Variants in COPS8 observed in about 807,000 individuals in gnomAD.
COPS8 encodes the protein COP9 signalosome complex subunit 8.
Under a neutral mutation model 31.5 loss-of-function variants are expected in COPS8, and 11 were observed. The observed-to-expected ratio is 0.35, with a 90% CI of 0.22 to 0.58. The LOEUF (loss-of-function observed/expected upper bound fraction) is 0.58, where lower values mean the gene tolerates loss of function less well. COPS8 is among the 20% of genes least tolerant of loss of function. COPS8 has a pLI of 0.83. For missense variants in COPS8, 215 were observed against 255.1 expected (o/e 0.84, Z 1.07); for synonymous variants, 81 against 89.3 (o/e 0.91, Z 0.52).
At chr2:237,089,774 T>G in intron 3 of COPS8, 88 bp from the exon 4 acceptor site, 1 of 1,314,634 alleles carries the variant, frequency 7.6e-7, no homozygotes, top group Non-Finnish European at 1.1e-6. Context: ...AACAAGTTTT[T>G]ATATCATTTC....
Position 237,085,937 on chromosome 2 carries a change from C to T in COPS8, c.-28C>T, listed in dbSNP as rs780924048. 14 of 1,606,066 alleles carry T rather than the reference C, an allele frequency of 8.7e-6. No individual in the cohort carries two copies. The highest frequency in any genetic ancestry group is 1.1e-5 in the Non-Finnish European group (13 of 1,175,462). On this transcript the variant is annotated 5_prime_UTR_variant, in exon 1 of 8. It adds an upstream start codon to the 5' untranslated region. Transcript: ENST00000354371. ...ACAGTCTGGGGTTTGGCTGTCCGGACGGTGCAGCGGCGAGGCCGGCCGCGA... is the reference window on the plus strand; with the variant it reads ...ACAGTCTGGGGTTTGGCTGTCCGGATGGTGCAGCGGCGAGGCCGGCCGCGA...
At chr2:237,090,272 A>C (rs1696683411) in intron 4 of COPS8, among the ~76,000 whole-genome samples, 1 of 152,176 alleles carries the variant, frequency 6.6e-6, no homozygotes, top group African/African-American at 2.4e-5. Flanking sequence ...GAGATCTTGT[A>C]ATATTCTAAT....
chr2:237,091,078 C>A (rs1696698197), intron 4 of COPS8, among the ~76,000 whole-genome samples: 1 of 152,140 alleles, frequency 6.6e-6, no homozygotes, highest in African/African-American at 2.4e-5. Flanking sequence ...TGTTTTACAG[C>A]GGGTTGATTG....
At position 237,085,910 on chromosome 2, in the gene COPS8, G is replaced by T; in HGVS notation, c.-55G>T. ...CGTCATCGCGGGCGCGACGCCTGAGGGACAGTCTGGGGTTTGGCTGTCCGG... is the reference window on the plus strand; with the variant it reads ...CGTCATCGCGGGCGCGACGCCTGAGTGACAGTCTGGGGTTTGGCTGTCCGG... On this transcript the variant is annotated 5_prime_UTR_variant, in exon 1 of 8. Transcript: ENST00000354371. 3 of 1,554,644 alleles carry T rather than the reference G, an allele frequency of 1.9e-6. No individual in the cohort carries two copies. Among genetic ancestry groups the T allele is most frequent in the Non-Finnish European group, 2.6e-6 (3 of 1,136,074 alleles).
intron 6 of COPS8, 110 bp downstream of exon 6, chr2:237,095,994 C>A: frequency 1.4e-6 from 1 of 720,530 alleles, no homozygotes; most frequent in Non-Finnish European, 2.5e-6. Flanking sequence ...TATACTAACA[C>A]AATGGAAATA....
Position 237,097,890 on chromosome 2 carries a change from T to C in COPS8, c.*148T>C. On this transcript the variant is annotated 3_prime_UTR_variant, in exon 8 of 8. Coordinates refer to ENST00000354371, the MANE Select transcript of COPS8 (RefSeq NM_006710.5). ...TAAAATACATATAGAATATAAGATA[T>C]ACTATATACATTTTGTCCATAAACG... 2 of 556,602 alleles carry C rather than the reference T, an allele frequency of 3.6e-6. No individual in the cohort carries two copies. The highest frequency in any genetic ancestry group is 6.3e-6 in the Non-Finnish European group (2 of 314,986). 34.5% of individuals were successfully genotyped at this position (556,602 alleles called of 1,614,324 possible).
At chr2:237,089,695 A>G (rs1213318032) in intron 3 of COPS8, among the ~76,000 whole-genome samples, 167 bp from the exon 4 acceptor site, 2 of 152,224 alleles carry the variant, frequency 1.3e-5, no homozygotes, top group Non-Finnish European at 2.9e-5. Context: ...ACCTTTTGAT[A>G]GTGATTGGGC....
At chr2:237,096,544 T>C (rs1370365006) in intron 6 of COPS8, 3 of 440,096 alleles carry the variant, frequency 6.8e-6, no homozygotes, top group African/African-American at 2.1e-5. Flanking sequence ...TTCCACCTAC[T>C]CGGAATGCCT....
chr2:237,086,783 T>G (rs1696624211), intron 1 of COPS8: 4 of 964,768 alleles, frequency 4.1e-6, no homozygotes, highest in Non-Finnish European at 5.0e-6. Context: ...CTGTCGAATT[T>G]GTTTCTTATA....
At chr2:237,090,080 G>A in intron 4 of COPS8, 86 bp downstream of exon 4, 1 of 1,311,578 alleles carries the variant, frequency 7.6e-7, no homozygotes, top group South Asian at 1.6e-5. Context: ...TCAGTGGTGT[G>A]TGTTTAAGTA....
intron 4 of COPS8, among the ~76,000 whole-genome samples, chr2:237,091,184 A>C (rs1356448079): frequency 6.6e-6 from 1 of 152,086 alleles, no homozygotes; most frequent in East Asian, 1.9e-4. Flanking sequence ...GCCGCCTCTC[A>C]CTGAATTCCA....
At chr2:237,090,641 T>A (rs1476443770) in intron 4 of COPS8, among the ~76,000 whole-genome samples, 3 of 152,238 alleles carry the variant, frequency 2.0e-5, no homozygotes, top group Non-Finnish European at 4.4e-5. Context: ...ACCTTCACTG[T>A]ATGCCTTCCT....
chr2:237,095,808 A>T lies in COPS8; in HGVS notation c.440-14A>T. 1 of 1,578,832 alleles carries T rather than the reference A, an allele frequency of 6.3e-7. No individual in the cohort carries two copies. Among genetic ancestry groups the T allele is most frequent in the Non-Finnish European group, 8.7e-7 (1 of 1,147,916 alleles). ...TATTCTTTCCGGATCTTTATGTGTAATATACTTTTTTAGGCATATTAGAAC... is the reference window on the plus strand; with the variant it reads ...TATTCTTTCCGGATCTTTATGTGTATTATACTTTTTTAGGCATATTAGAAC... On this transcript the variant is annotated splice_polypyrimidine_tract_variant and intron_variant, in intron 5 of 7. Transcript: ENST00000354371.
At position 237,097,697 on chromosome 2, in the gene COPS8, G is replaced by A. The variant is rs1696830271; in HGVS notation, c.585G>A (p.Gln195=). 1.2e-6 allele frequency: 2 copies of A among 1,613,058 alleles called. No individual in the cohort carries two copies. Among genetic ancestry groups the A allele is most frequent in the Non-Finnish European group, 1.7e-6 (2 of 1,179,510 alleles). ...CAGTTCCCCCAATACCCAATGAACA[G>A]CAGTTAGCCAGACTGACGGATTATG... ...PAPVPPIPNE[Q]QLARLTDYVA... Residue 195 remains glutamine, a synonymous_variant, in exon 8 of 8, where the codon CAG becomes CAA. Coordinates refer to ENST00000354371, the MANE Select transcript of COPS8 (RefSeq NM_006710.5).
Position 237,088,533 on chromosome 2 carries a change from G to C in COPS8, c.150-72G>C. ...CTTCTGTATGTTTGGCTTGGGACCT[G>C]GTAGTTTTTAACATTTCCTGAGATG... On this transcript the variant is annotated intron_variant, in intron 2 of 7. Transcript: ENST00000354371. 3 of 1,101,080 alleles carry C rather than the reference G, an allele frequency of 2.7e-6. No homozygotes were observed. In the South Asian group the frequency reaches 4.2e-5, roughly 15 times the overall value. The allele number at this position is 1,101,080 out of a possible 1,614,324, so 68.2% of individuals were successfully genotyped here.
Position 237,100,386 on chromosome 2 carries a change from A to G in COPS8, c.*2644A>G, listed in dbSNP as rs1384473665. ...TGGGACTTACCCTGGCACTACTATC[A>G]GGATGCCCACACAAACCTGATTGGG... is the stretch of plus-strand genomic sequence containing the variant. On this transcript the variant is annotated 3_prime_UTR_variant, in exon 8 of 8. Transcript: ENST00000354371. 1 of 152,294 alleles carries G rather than the reference A, an allele frequency of 6.6e-6. No homozygotes were observed. Among genetic ancestry groups the G allele is most frequent in the Non-Finnish European group, 1.5e-5 (1 of 68,028 alleles). 9.4% of individuals were successfully genotyped at this position (152,294 alleles called of 1,614,324 possible).
chr2:237,097,224 C>CTTTTTT (rs996251270), intron 7 of COPS8, among the ~76,000 whole-genome samples: 976 of 95,838 alleles, frequency 0.01, 8 homozygotes, highest in Middle Eastern at 0.065. Flanking sequence ...TGTGGGTTTT[C>CTTTTTT]TTTTTTTTTT....
At chr2:237,093,547 T>A in intron 4 of COPS8, 1 of 348,412 alleles carries the variant, frequency 2.9e-6, no homozygotes, top group South Asian at 1.2e-4. Flanking sequence ...GGCAGTCCCT[T>A]CTTAGAGTCA....
At chr2:237,095,741 C>A in intron 5 of COPS8, 81 bp from the exon 6 acceptor site, 1 of 912,798 alleles carries the variant, frequency 1.1e-6, no homozygotes, top group South Asian at 1.4e-5. Flanking sequence ...GTCTTCTGTA[C>A]AACTAATGTC....
Sources: gnomAD v4.1 joint callset for allele counts (sites outside exome capture counted in the v4.1 genomes callset) on GRCh38, gnomAD v4.1.1 for gene constraint, MANE v1.5 for transcripts, NCBI Gene and HGNC (gene_info 2026-07-23, HGNC 2026-07-21) for gene names.